The following TRERF1 variants were observed in gnomAD, a reference collection of about 807,000 sequenced individuals.
TRERF1 encodes transcriptional-regulating factor 1.
Under a neutral mutation model 122.9 loss-of-function variants are expected in TRERF1, and 27 were observed. That is an observed-to-expected ratio of 0.22 (90% CI 0.16 to 0.30). TRERF1 has a LOEUF of 0.30. TRERF1 is among the 10% of genes least tolerant of loss of function. TRERF1 has a pLI of 1.00. For missense variants in TRERF1, 1,248 were observed against 1,560.3 expected, an observed-to-expected ratio of 0.80 and a Z score of 3.37; for synonymous variants, 636 against 641.7, an observed-to-expected ratio of 0.99 and a Z score of 0.13.
At chr6:42,350,749 C>T (rs980730914) in intron 3 of TRERF1, among the ~76,000 whole-genome samples, 10 of 152,186 alleles carry the variant, frequency 6.6e-5, no homozygotes, top group African/African-American at 2.4e-4. Flanking sequence ...ACTGGGCAGA[C>T]TCAATGGGTA....
chr6:42,402,415 G>A (rs1779521783), intron 2 of TRERF1, among the ~76,000 whole-genome samples: 1 of 152,188 alleles, frequency 6.6e-6, no homozygotes, highest in East Asian at 1.9e-4. Context: ...AACACCGGGT[G>A]CAGGGCTGTG....
At chr6:42,385,577 C>A (rs1281685323) in intron 2 of TRERF1, among the ~76,000 whole-genome samples, 1 of 152,132 alleles carries the variant, frequency 6.6e-6, no homozygotes, top group Non-Finnish European at 1.5e-5. Flanking sequence ...CACAAAGTGA[C>A]CTGGACCCCG....
Position 42,259,004 on chromosome 6 carries a change from G to A in TRERF1, c.2269+335C>T, listed in dbSNP as rs1186281832. On this transcript the variant is annotated intron_variant, in intron 9 of 17. Coordinates refer to ENST00000372922, the Ensembl canonical transcript of TRERF1. The surrounding 1 kb of genome is among the most constrained non-coding windows in gnomAD (Gnocchi z 4.9). ...CCCGCCTCGACCTCCGAAAACGCTG[G>A]GATTACAGGTGTGAGCCACCGCGCC... is the stretch of plus-strand genomic sequence containing the variant. 6.6e-6 allele frequency among the ~76,000 whole-genome samples: 1 copy of A among 152,030 alleles called. No individual in the cohort carries two copies. The highest frequency in any genetic ancestry group is 1.9e-4 in the East Asian group (1 of 5,194).
chr6:42,268,609 G>C lies in TRERF1; in HGVS notation c.982C>G (p.Gln328Glu), dbSNP rs377477310. Reference sequence around the variant, plus strand: ...AAGTGCTGCATCATGGGTTGGGGCTGATAATACTGAGGTATCTGCATTGAA... The same window carrying C: ...AAGTGCTGCATCATGGGTTGGGGCTCATAATACTGAGGTATCTGCATTGAA... Residue 328 changes from glutamine to glutamate, a missense_variant, in exon 5 of 18, where the codon CAG becomes GAG. Around this residue, in one of 5 missense-constraint regions of TRERF1, gnomAD observed 946 missense variants for 1,073.0 expected, o/e 0.88. Transcript: ENST00000372922. The surrounding 1 kb of genome is among the most constrained non-coding windows in gnomAD (Gnocchi z 4.4). The C allele has an allele frequency of 6.2e-7, 1 of 1,614,066 alleles. No individual in the cohort carries two copies.
chr6:42,310,834 G>A (rs1439793830), intron 3 of TRERF1, among the ~76,000 whole-genome samples: 7 of 152,160 alleles, frequency 4.6e-5, no homozygotes, highest in Admixed American at 3.9e-4. Flanking sequence ...CAAAAATGCA[G>A]AACAAGAAGT....
intron 4 of TRERF1, among the ~76,000 whole-genome samples, chr6:42,289,969 T>C (rs1784019189): frequency 6.6e-6 from 1 of 152,190 alleles, no homozygotes; most frequent in South Asian, 2.1e-4. Context: ...TTCACATCTA[T>C]GAAGCGTGGA....
exon 12 of TRERF1, chr6:42,256,830 C>G (rs1776833819): frequency 5.6e-6 from 9 of 1,614,190 alleles, no homozygotes; most frequent in Non-Finnish European, 6.8e-6. Context: ...GAAGATTCTC[C>G]ACTGTTGGGA....
chr6:42,311,509 A>G (rs1414030005), intron 3 of TRERF1, among the ~76,000 whole-genome samples: 1 of 151,920 alleles, frequency 6.6e-6, no homozygotes, highest in South Asian at 2.1e-4. Context: ...TCACTCCTGT[A>G]ATCCCAGCAC....
At chr6:42,257,554 G>A (rs1160047298) in intron 10 of TRERF1, among the ~76,000 whole-genome samples, 3 of 152,186 alleles carry the variant, frequency 2.0e-5, no homozygotes, top group Admixed American at 2.0e-4. Context: ...ACTCCCATTT[G>A]ACGAGTCAAC....
At position 42,262,765 on chromosome 6, in the gene TRERF1, G is replaced by C. The variant is rs543703250; in HGVS notation, c.1884+555C>G. 9.3e-4 allele frequency among the ~76,000 whole-genome samples: 142 copies of C among 152,300 alleles called. 1 individual carries two copies. Among genetic ancestry groups the C allele is most frequent in the African/African-American group, 3.1e-3 (128 of 41,550 alleles). ...CTACTTTGGGAACTTTAACGAATTA[G>C]GTTCTCCAGGGTATTTAAGCAGACA... On this transcript the variant is annotated intron_variant, in intron 8 of 17. Coordinates refer to ENST00000372922, the Ensembl canonical transcript of TRERF1.
chr6:42,256,624 C>T (rs1582602437), intron 12 of TRERF1, 104 bp downstream of exon 12: 3 of 951,986 alleles, frequency 3.2e-6, no homozygotes, highest in East Asian at 2.5e-5. Context: ...TCATCATGCG[C>T]CGATTGGTCA....
chr6:42,396,703 A>G (rs574548997), intron 2 of TRERF1, among the ~76,000 whole-genome samples: 11 of 152,344 alleles, frequency 7.2e-5, no homozygotes, highest in African/African-American at 2.4e-4. Context: ...AGGGTGTATT[A>G]TAAGAGAGAA....
At position 42,255,352 on chromosome 6, in the gene TRERF1, AC is replaced by A. The variant is rs567986720; in HGVS notation, c.2581-427del. 1.9e-3 allele frequency among the ~76,000 whole-genome samples: 291 copies of A among 152,354 alleles called. 1 individual carries two copies. The highest frequency in any genetic ancestry group is 6.8e-3 in the African/African-American group (283 of 41,592). On this transcript the variant is annotated intron_variant, in intron 12 of 17. Transcript: ENST00000372922. ...AAACAGCTGCATCAGTAATAACTGT[AC>A]TACACACACCATCCTTCCAGAGAGC...
chr6:42,348,439 G>A (rs766653731), intron 3 of TRERF1, among the ~76,000 whole-genome samples: 3 of 152,002 alleles, frequency 2.0e-5, no homozygotes, highest in Non-Finnish European at 2.9e-5. Flanking sequence ...TTTTAGTCGA[G>A]ACGGAGTTTC....
chr6:42,338,137 A>G (rs574787869), intron 3 of TRERF1, among the ~76,000 whole-genome samples: 2 of 152,342 alleles, frequency 1.3e-5, no homozygotes, highest in African/African-American at 4.8e-5. Context: ...CACCTGGCTC[A>G]CTGCTGTGAG....
intron 3 of TRERF1, among the ~76,000 whole-genome samples, chr6:42,324,669 T>C (rs1273254745): frequency 6.6e-6 from 1 of 152,162 alleles, no homozygotes; most frequent in African/African-American, 2.4e-5. Flanking sequence ...CCCTATTCAA[T>C]AAATAGTGCT....
intron 2 of TRERF1, among the ~76,000 whole-genome samples, chr6:42,400,834 G>T (rs1368607441): frequency 1.3e-5 from 2 of 152,178 alleles, no homozygotes; most frequent in Admixed American, 6.5e-5. Flanking sequence ...ATAAACACTG[G>T]CTGTGTCCCA....
At chr6:42,349,772 G>A (rs1562040242) in intron 3 of TRERF1, among the ~76,000 whole-genome samples, 1 of 152,122 alleles carries the variant, frequency 6.6e-6, no homozygotes, top group Non-Finnish European at 1.5e-5. Flanking sequence ...GTTTTCTCCA[G>A]ATGTTTACCT....
intron 3 of TRERF1, among the ~76,000 whole-genome samples, chr6:42,330,452 A>C (rs1765062064): frequency 6.6e-6 from 1 of 152,244 alleles, no homozygotes; most frequent in Admixed American, 6.5e-5. Flanking sequence ...CATAGGTTCA[A>C]AGATATTCAG....
Sources: allele counts gnomAD v4.1 joint callset (sites outside exome capture counted in the v4.1 genomes callset), GRCh38; gene constraint gnomAD v4.1.1; regional missense constraint gnomAD v4.1.1; non-coding constraint Gnocchi (gnomAD v3.1); transcripts MANE v1.5; gene names NCBI Gene and HGNC (gene_info 2026-07-23, HGNC 2026-07-21).